GRIK2: variants seen among roughly 807,000 people sequenced by gnomAD.
GRIK2 encodes glutamate ionotropic receptor kainate type subunit 2, also known as glutamate receptor ionotropic, kainate 2.
In GRIK2, 32 loss-of-function variants were observed where a neutral mutation model predicts 100.3. The observed-to-expected ratio is 0.32, with a 90% confidence interval of 0.24 to 0.43. The LOEUF is 0.43. Among genes scored for constraint, GRIK2 ranks in the 20% least tolerant of loss-of-function variants. GRIK2 has a pLI of 1.00. For synonymous variants in GRIK2, 417 were observed against 389.4 expected (o/e 1.07, Z -0.83); for missense variants, 843 against 1,114.9 (o/e 0.76, Z 3.47).
intron 7 of GRIK2, among the ~76,000 whole-genome samples, chr6:101,748,398 G>A (rs534950342): frequency 1.7e-4 from 26 of 152,054 alleles, no homozygotes; most frequent in African/African-American, 6.0e-4. Context: ...TAAATTAAAG[G>A]ACAAATTAAT....
At chr6:101,562,700 C>T (rs1414505222) in intron 2 of GRIK2, among the ~76,000 whole-genome samples, 1 of 152,012 alleles carries the variant, frequency 6.6e-6, no homozygotes, top group African/African-American at 2.4e-5. Context: ...CCATAATTCC[C>T]ATTATATCTA....
intron 4 of GRIK2, among the ~76,000 whole-genome samples, chr6:101,653,961 C>T (rs765927948): frequency 1.3e-5 from 2 of 152,082 alleles, no homozygotes; most frequent in Non-Finnish European, 2.9e-5. Flanking sequence ...CCGGCTTATG[C>T]ACTTCTCTCA....
rs115147635 is a variant in GRIK2, at chr6:101,597,766, C to T, written c.116-24183C>T. ...CTTTTCTTCCATTTCAAAGCAAGGA[C>T]GTTCTCTGTTTTTAGTAGAAGAGTT... is the stretch of plus-strand genomic sequence containing the variant. On this transcript the variant is annotated intron_variant, in intron 2 of 16. Transcript: ENST00000369134. Among the ~76,000 whole-genome samples, 1,093 of 151,794 alleles carry T rather than the reference C, an allele frequency of 7.2e-3. 17 individuals carry two copies. The highest frequency in any genetic ancestry group is 0.025 in the African/African-American group (1,042 of 41,480).
intron 7 of GRIK2, among the ~76,000 whole-genome samples, chr6:101,695,981 C>T (rs1772457548): frequency 1.3e-5 from 2 of 151,930 alleles, no homozygotes; most frequent in South Asian, 4.1e-4. Flanking sequence ...TTTGCAACAT[C>T]ATAAAATAAA....
At chr6:101,475,338 G>GT in intron 2 of GRIK2, among the ~76,000 whole-genome samples, 1 of 151,892 alleles carries the variant, frequency 6.6e-6, no homozygotes, top group East Asian at 1.9e-4. Flanking sequence ...TGCAAATATT[G>GT]TATTTGTCAG....
At chr6:101,545,388 C>T (rs561217992) in intron 2 of GRIK2, among the ~76,000 whole-genome samples, 20 of 152,196 alleles carry the variant, frequency 1.3e-4, no homozygotes, top group African/African-American at 4.8e-4. Flanking sequence ...TACATATTTC[C>T]AGTTTGAGTC....
chr6:101,608,350 A>T (rs1237939756), intron 2 of GRIK2, among the ~76,000 whole-genome samples: 1 of 151,952 alleles, frequency 6.6e-6, no homozygotes, highest in Non-Finnish European at 1.5e-5. Flanking sequence ...GCTATTGTAG[A>T]ATCTCCTCCC....
intron 7 of GRIK2, among the ~76,000 whole-genome samples, chr6:101,778,988 T>A (rs1309384786): frequency 6.6e-6 from 1 of 152,050 alleles, no homozygotes; most frequent in Non-Finnish European, 1.5e-5. Flanking sequence ...AATCTATTAT[T>A]TCTGTTTTTT....
intron 2 of GRIK2, among the ~76,000 whole-genome samples, chr6:101,434,477 A>G (rs548396305): frequency 1.3e-5 from 2 of 151,728 alleles, no homozygotes; most frequent in South Asian, 2.1e-4. Flanking sequence ...GACTTTCCTC[A>G]CTAATTTGAA....
intron 2 of GRIK2, among the ~76,000 whole-genome samples, chr6:101,500,158 T>A (rs1017235419): frequency 1.2e-4 from 18 of 152,124 alleles, no homozygotes; most frequent in Non-Finnish European, 2.1e-4. Flanking sequence ...TAAAGTAAGT[T>A]CTATCTTATA....
intron 7 of GRIK2, among the ~76,000 whole-genome samples, chr6:101,793,614 C>T (rs1780056766): frequency 2.6e-5 from 4 of 152,228 alleles, no homozygotes; most frequent in South Asian, 2.1e-4. Context: ...TCAGTCTGCC[C>T]CTACTGGGGG....
In GRIK2 at chr6:101,859,482, C is replaced by T. The variant is rs1314974387; in HGVS notation, c.1513C>T (p.Leu505=). The stretch of plus-strand genomic sequence containing the variant: ...ACAATGGAATGGAATGGTTCGTGAA[C>T]TAATTGATCATGTAAGTCCCTTCCC... ...NGQWNGMVRE[L]IDHKADLAVA... The change falls in exon 11 of 17, where the codon CTA becomes TTA. Residue 505 remains leucine (L), a synonymous_variant. Coordinates refer to ENST00000369134, the MANE Select transcript of GRIK2 (RefSeq NM_021956.5). 4 of 1,582,912 alleles carry T rather than the reference C, an allele frequency of 2.5e-6. No individual in the cohort carries two copies. The highest frequency in any genetic ancestry group is 4.5e-5 in the East Asian group (2 of 44,702).
At chr6:101,839,746 G>A (rs1017740103) in intron 10 of GRIK2, among the ~76,000 whole-genome samples, 2 of 151,918 alleles carry the variant, frequency 1.3e-5, no homozygotes, top group Non-Finnish European at 2.9e-5. Context: ...ATATATGGGG[G>A]AAAAATGAAG....
chr6:101,403,867 G>T (rs957871610), intron 2 of GRIK2, among the ~76,000 whole-genome samples: 2 of 152,068 alleles, frequency 1.3e-5, no homozygotes, highest in African/African-American at 2.4e-5. Context: ...GCAAGGGAGA[G>T]AAATCATTCC....
chr6:101,863,938 C>A (rs1271173717), intron 11 of GRIK2, among the ~76,000 whole-genome samples: 3 of 150,794 alleles, frequency 2.0e-5, no homozygotes, highest in Non-Finnish European at 2.9e-5. Context: ...GAGATCGAGA[C>A]CATCCTGGCT....
intron 14 of GRIK2, among the ~76,000 whole-genome samples, chr6:101,954,948 A>C (rs1419674452): frequency 6.6e-6 from 1 of 152,080 alleles, no homozygotes; most frequent in Non-Finnish European, 1.5e-5. Flanking sequence ...TCCTGAGTTT[A>C]CTGAGATGGT....
intron 12 of GRIK2, among the ~76,000 whole-genome samples, chr6:101,899,236 A>G (rs193267988): frequency 3.0e-4 from 45 of 151,690 alleles, no homozygotes; most frequent in Admixed American, 2.8e-3. Flanking sequence ...GACCATGCAA[A>G]CTATTCTATT....
At chr6:101,454,732 A>G (rs182246821) in intron 2 of GRIK2, among the ~76,000 whole-genome samples, 283 of 152,238 alleles carry the variant, frequency 1.9e-3, no homozygotes, top group African/African-American at 6.5e-3. Flanking sequence ...GTGGGAAACC[A>G]TAAAGTTGTT....
At chr6:101,470,053 C>G (rs1342340833) in intron 2 of GRIK2, among the ~76,000 whole-genome samples, 2 of 152,144 alleles carry the variant, frequency 1.3e-5, no homozygotes, top group African/African-American at 4.8e-5. Flanking sequence ...TCTTAAGTGG[C>G]TCTGTGGGGC....
Sources: gnomAD v4.1 joint callset for allele counts (sites outside exome capture counted in the v4.1 genomes callset) on GRCh38, gnomAD v4.1.1 for gene constraint, MANE v1.5 for transcripts, NCBI Gene and HGNC (gene_info 2026-07-23, HGNC 2026-07-21) for gene names.